The following ANO4 variants were observed in gnomAD, a reference collection of about 807,000 sequenced individuals.
The protein encoded by ANO4 is anoctamin 4.
In ANO4, 69 loss-of-function variants were observed where a neutral mutation model predicts 141.9. The ratio of observed to expected loss-of-function variants is 0.49; its 90% CI spans 0.40 to 0.59. The LOEUF (loss-of-function observed/expected upper bound fraction) is 0.59, where lower values mean the gene tolerates loss of function less well. ANO4 is among the 20% of genes least tolerant of loss of function. The pLI is 0.00. For missense variants in ANO4, 894 were observed against 1,162.2 expected (o/e 0.77, Z 3.36); for synonymous variants, 350 against 394.3 (o/e 0.89, Z 1.33).
At chr12:101,001,729 A>G (rs1425239883) in intron 8 of ANO4, among the ~76,000 whole-genome samples, 1 of 152,152 alleles carries the variant, frequency 6.6e-6, no homozygotes, top group East Asian at 1.9e-4. Flanking sequence ...TCAAAGTAGG[A>G]AAACACCCTG....
chr12:100,721,378 C>G (rs1177182762), intron 1 of ANO4, among the ~76,000 whole-genome samples: 1 of 152,036 alleles, frequency 6.6e-6, no homozygotes, highest in African/African-American at 2.4e-5. Context: ...TAGGGAAGGG[C>G]TGGGTAGGGT....
chr12:101,010,100 C>A (rs2046022701), intron 8 of ANO4, among the ~76,000 whole-genome samples: 1 of 152,108 alleles, frequency 6.6e-6, no homozygotes, highest in Admixed American at 6.5e-5. Flanking sequence ...TTACATAGAT[C>A]TGTCTGCTTG....
chr12:100,949,684 A>G (rs2042891588), intron 5 of ANO4, among the ~76,000 whole-genome samples: 1 of 152,218 alleles, frequency 6.6e-6, no homozygotes, highest in South Asian at 2.1e-4. Flanking sequence ...TCAGTGGGTC[A>G]TATATTGTTA....
chr12:100,842,485 T>G (rs542483971), intron 1 of ANO4, among the ~76,000 whole-genome samples: 2 of 152,200 alleles, frequency 1.3e-5, no homozygotes, highest in African/African-American at 4.8e-5. Context: ...TAGGTTCCTA[T>G]TTAGAACTTC....
intron 1 of ANO4, among the ~76,000 whole-genome samples, chr12:100,730,314 C>T (rs2031329274): frequency 8.5e-6 from 1 of 118,056 alleles, no homozygotes; most frequent in South Asian, 2.9e-4. Context: ...TCCTCCCCTG[C>T]CCCCCAAGAG....
intron 11 of ANO4, 144 bp from the exon 12 acceptor site, chr12:101,042,190 G>C: frequency 1.0e-6 from 1 of 964,374 alleles, no homozygotes; most frequent in Non-Finnish European, 1.5e-6. Context: ...TCCTAGATTT[G>C]ATGGGATGTT....
chr12:100,908,524 T>C (rs928046016), intron 2 of ANO4, among the ~76,000 whole-genome samples: 2 of 151,766 alleles, frequency 1.3e-5, no homozygotes, highest in African/African-American at 4.8e-5. Flanking sequence ...AATTAGAAAC[T>C]TGTTATTTAA....
chr12:101,096,811 C>T (rs1050769276), intron 19 of ANO4, among the ~76,000 whole-genome samples, 164 bp downstream of exon 19: 3 of 152,160 alleles, frequency 2.0e-5, no homozygotes, highest in Non-Finnish European at 2.9e-5. Flanking sequence ...AACCACCTGG[C>T]ATCCCAGGGA....
rs189577465 is a variant in ANO4, at chr12:100,810,979, A to T, written c.-141+15952A>T. On this transcript the variant is annotated intron_variant, in intron 1 of 27. Transcript: ENST00000392977. ...GATGTATTAAATAGGGTCAATCAGA[A>T]GTACGTAAATGGTGTCTACTCTTGA... Among the ~76,000 whole-genome samples the T allele has an allele frequency of 3.4e-3, 511 of 152,286 alleles. 2 individuals carry two copies. Among genetic ancestry groups the T allele is most frequent in the African/African-American group, 0.011 (461 of 41,560 alleles).
At chr12:101,085,937 G>A (rs1284024055) in intron 16 of ANO4, among the ~76,000 whole-genome samples, 1 of 152,126 alleles carries the variant, frequency 6.6e-6, no homozygotes, top group Non-Finnish European at 1.5e-5. Context: ...ATTATAAGTA[G>A]TGTCCTGAAA....
chr12:100,863,988 A>G (rs1314788739), intron 1 of ANO4, among the ~76,000 whole-genome samples: 1 of 152,178 alleles, frequency 6.6e-6, no homozygotes, highest in African/African-American at 2.4e-5. Context: ...CAGTGTCATC[A>G]GAGCTCCTCC....
At chr12:100,989,007 G>A (rs565673904) in intron 8 of ANO4, among the ~76,000 whole-genome samples, 3 of 152,230 alleles carry the variant, frequency 2.0e-5, no homozygotes, top group East Asian at 3.9e-4. Context: ...GAGCTCTGCA[G>A]GGCAAAGGGG....
Position 100,998,946 on chromosome 12 carries a change from T to C in ANO4, c.734+11276T>C, listed in dbSNP as rs138247525. On this transcript the variant is annotated intron_variant, in intron 8 of 27. Coordinates refer to ENST00000392977, the MANE Select transcript of ANO4 (RefSeq NM_001286615.2). Reference sequence around the variant, plus strand: ...ATTTAGTCCTGTGAGTAAGGTATCGTCATTATCCCCATTTTTACAGAGGAG... The same window carrying C: ...ATTTAGTCCTGTGAGTAAGGTATCGCCATTATCCCCATTTTTACAGAGGAG... 2.1e-3 allele frequency among the ~76,000 whole-genome samples: 318 copies of C among 152,320 alleles called. 2 individuals are homozygous for C. The highest frequency in any genetic ancestry group is 7.2e-3 in the African/African-American group (300 of 41,578).
At chr12:100,931,429 TA>T (rs2042083941) in intron 3 of ANO4, among the ~76,000 whole-genome samples, 1 of 152,124 alleles carries the variant, frequency 6.6e-6, no homozygotes, top group South Asian at 2.1e-4. Flanking sequence ...TTAAGAACAG[TA>T]AAATGCTTCC....
chr12:100,765,375 C>T (rs1593292369), intron 3 of ANO4, among the ~76,000 whole-genome samples: 2 of 105,292 alleles, frequency 1.9e-5, no homozygotes, highest in African/African-American at 9.3e-5. Flanking sequence ...TATTTTCTTT[C>T]TTTCTTTTTT....
At chr12:100,727,476 A>G (rs2136771369) in intron 1 of ANO4, among the ~76,000 whole-genome samples, 1 of 152,320 alleles carries the variant, frequency 6.6e-6, no homozygotes, top group East Asian at 1.9e-4. Flanking sequence ...TCCTAAAAGT[A>G]ATATAGGTAC....
intron 3 of ANO4, among the ~76,000 whole-genome samples, chr12:100,931,611 C>T (rs1175474623): frequency 6.6e-6 from 1 of 152,100 alleles, no homozygotes; most frequent in Non-Finnish European, 1.5e-5. Context: ...AGAAAATAGA[C>T]CTGAAAATCA....
chr12:101,085,668 A>T (rs911548483), intron 16 of ANO4, among the ~76,000 whole-genome samples: 1 of 152,184 alleles, frequency 6.6e-6, no homozygotes, highest in Non-Finnish European at 1.5e-5. Flanking sequence ...ATAGAGAAAG[A>T]AGATATGCTG....
chr12:100,747,869 G>A (rs2032184264), intron 3 of ANO4, among the ~76,000 whole-genome samples: 1 of 152,170 alleles, frequency 6.6e-6, no homozygotes. Context: ...GCATAACTCT[G>A]TCTTAAAAGC....
Sources: allele counts gnomAD v4.1 joint callset (sites outside exome capture counted in the v4.1 genomes callset), GRCh38; gene constraint gnomAD v4.1.1; transcripts MANE v1.5; gene names NCBI Gene and HGNC (gene_info 2026-07-23, HGNC 2026-07-21).